The following SF3B3 variants were observed in gnomAD, a reference collection of about 807,000 sequenced individuals.
SF3B3 encodes SAP 130.
A neutral mutation model predicts 139.2 loss-of-function variants in SF3B3; 33 were observed. The ratio of observed to expected loss-of-function variants is 0.24; its 90% CI spans 0.18 to 0.32. SF3B3 has a LOEUF of 0.32. Ranked by LOEUF, SF3B3 falls within the 10% of genes least tolerant of loss-of-function variation. The pLI, the probability that SF3B3 is intolerant of heterozygous loss-of-function variation, is 1.00. For synonymous variants in SF3B3, 596 were observed against 563.6 expected (o/e 1.06, Z -0.81); for missense variants, 818 against 1,509.4 (o/e 0.54, Z 7.59).
chr16:70,558,333 C>G (rs2050397623), intron 15 of SF3B3, among the ~76,000 whole-genome samples: 1 of 150,502 alleles, frequency 6.6e-6, no homozygotes, highest in Non-Finnish European at 1.5e-5. Context: ...TCAGACTGGT[C>G]TTGAACTCCT....
intron 5 of SF3B3, among the ~76,000 whole-genome samples, chr16:70,533,341 TA>T (rs933144077): frequency 2.7e-5 from 4 of 147,380 alleles, no homozygotes; most frequent in Admixed American, 6.8e-5. Flanking sequence ...AAGTAAATAT[TA>T]AAAAAAAAAG....
chr16:70,570,680 G>A (rs2050520995), intron 24 of SF3B3, among the ~76,000 whole-genome samples: 1 of 152,218 alleles, frequency 6.6e-6, no homozygotes, highest in Non-Finnish European at 1.5e-5. Context: ...TCTGATGCGA[G>A]TTTACAAGGT....
At chr16:70,564,995 A>T in intron 18 of SF3B3, 70 bp from the exon 19 acceptor site, 2 of 1,441,664 alleles carry the variant, frequency 1.4e-6, no homozygotes, top group Non-Finnish European at 2.0e-6. Flanking sequence ...TGTTCTTGCT[A>T]CCTATCCTCT....
In SF3B3 at chr16:70,560,599, A is replaced by T. The variant is rs747700392; in HGVS notation, c.2133+8A>T. The T allele has an allele frequency of 6.2e-7, 1 of 1,612,894 alleles. No homozygotes were observed. The highest frequency in any genetic ancestry group is 1.7e-5 in the Admixed American group (1 of 59,964). ...ATGCAAGGCCAGGAGGCAGTAAGTA[A>T]TGAAGGTTGGGGACAGGCAACATCT... On this transcript the variant is annotated splice_region_variant and intron_variant, in intron 16 of 25. Transcript: ENST00000302516.
At chr16:70,532,694 T>G in intron 5 of SF3B3, 74 bp downstream of exon 5, 1 of 1,456,610 alleles carries the variant, frequency 6.9e-7, no homozygotes, top group Non-Finnish European at 9.5e-7. Context: ...AGGTTTTACT[T>G]AAAGGGTTTG....
intron 24 of SF3B3, 134 bp from the exon 25 acceptor site, chr16:70,570,961 A>G: frequency 1.4e-6 from 1 of 709,598 alleles, no homozygotes; most frequent in Non-Finnish European, 2.5e-6. Flanking sequence ...ACCTGTGATT[A>G]TCAGAAAGTG....
At chr16:70,568,583 C>G (rs2050499321) in intron 22 of SF3B3, 88 bp downstream of exon 22, 2 of 1,028,252 alleles carry the variant, frequency 1.9e-6, no homozygotes, top group East Asian at 5.2e-5. Flanking sequence ...GGAATCAAAT[C>G]TGAGAAGTAA....
chr16:70,564,206 A>G (rs1295819575), intron 18 of SF3B3, among the ~76,000 whole-genome samples, 156 bp downstream of exon 18: 2 of 152,146 alleles, frequency 1.3e-5, no homozygotes, highest in Non-Finnish European at 2.9e-5. Context: ...CTGCACCTCT[A>G]TTAAAAATTT....
At chr16:70,524,095 A>G (rs1489926430) in intron 1 of SF3B3, 167 bp downstream of exon 1, 2 of 389,842 alleles carry the variant, frequency 5.1e-6, no homozygotes, top group Non-Finnish European at 9.0e-6. Context: ...GGCTTCCTGC[A>G]GTTATCTCTC....
chr16:70,539,852 C>T (rs2050202718), intron 8 of SF3B3, among the ~76,000 whole-genome samples: 1 of 150,700 alleles, frequency 6.6e-6, no homozygotes, highest in Admixed American at 6.6e-5. Flanking sequence ...TCTCGGCTCA[C>T]CGCAACCTCT....
At chr16:70,533,341 T>TAAAA (rs933144077) in intron 5 of SF3B3, among the ~76,000 whole-genome samples, 3 of 147,418 alleles carry the variant, frequency 2.0e-5, no homozygotes, top group Non-Finnish European at 4.5e-5. Flanking sequence ...AAGTAAATAT[T>TAAAA]AAAAAAAAAA....
Position 70,538,422 on chromosome 16 carries a change from G to A in SF3B3, c.925G>A (p.Asp309Asn). 1.2e-6 allele frequency: 2 copies of A among 1,613,910 alleles called. No homozygotes were observed. The highest frequency in any genetic ancestry group is 8.5e-7 in the Non-Finnish European group (1 of 1,179,794). Reference sequence around the variant, plus strand: ...CTTTTTGGCTCAAACTGAGCAGGGAGATATCTTTAAGATCACTTTGGAGAC... The same window carrying A: ...CTTTTTGGCTCAAACTGAGCAGGGAAATATCTTTAAGATCACTTTGGAGAC... The part of the protein sequence containing the change: ...FFFLAQTEQG[D>N]IFKITLETDE... Residue 309 changes from aspartate (D) to asparagine (N), a missense_variant, in exon 7 of 26, where the codon GAT becomes AAT. Asp to Asn is a conservative substitution (Grantham distance 23, BLOSUM62 1). Transcript: ENST00000302516.
chr16:70,555,012 A>T (rs2050366211), intron 12 of SF3B3, 39 bp from the exon 13 acceptor site: 1 of 1,599,232 alleles, frequency 6.3e-7, no homozygotes, highest in African/African-American at 1.3e-5. Context: ...TGATGAATCA[A>T]ATTGTTAAAG....
At position 70,576,432 on chromosome 16, in the gene SF3B3, C is replaced by G. The variant is rs144679445; in HGVS notation, c.*4619C>G. On this transcript the variant is annotated 3_prime_UTR_variant, in exon 26 of 26. Coordinates refer to ENST00000302516, the MANE Select transcript of SF3B3 (RefSeq NM_012426.5). Reference sequence around the variant, plus strand: ...AAATTCCCAGGTCCACTCAGCAGAACTTGCTCCCTTCTCTGACTGCAGTCT... The same window carrying G: ...AAATTCCCAGGTCCACTCAGCAGAAGTTGCTCCCTTCTCTGACTGCAGTCT... 1 of 152,088 alleles carries G rather than the reference C, an allele frequency of 6.6e-6. No individual in the cohort carries two copies. The highest frequency in any genetic ancestry group is 1.5e-5 in the Non-Finnish European group (1 of 68,044). The allele number at this position is 152,088 out of a possible 1,614,324, so 9.4% of individuals were successfully genotyped here. A position where few individuals can be genotyped will look rare whatever the true frequency, so the allele number is the denominator to read the frequency against.
intron 13 of SF3B3, among the ~76,000 whole-genome samples, chr16:70,555,607 A>G (rs952585297): frequency 1.3e-5 from 2 of 152,012 alleles, no homozygotes; most frequent in African/African-American, 4.8e-5. Context: ...ATCCCCTCTT[A>G]GCAGTGAAAC....
chr16:70,571,391 A>G (rs372038311), intron 25 of SF3B3, among the ~76,000 whole-genome samples, 192 bp downstream of exon 25: 2 of 152,190 alleles, frequency 1.3e-5, no homozygotes, highest in African/African-American at 4.8e-5. Context: ...TCCTGGATCT[A>G]CAAGTGGGGT....
At chr16:70,537,918 A>G (rs1398663049) in intron 6 of SF3B3, 2 of 424,796 alleles carry the variant, frequency 4.7e-6, no homozygotes, top group African/African-American at 4.1e-5. Context: ...TAAAAGAAAA[A>G]AAATTCAAAG....
rs1210271686 is a variant in SF3B3 at position 70,572,655 on chromosome 16, C to G, written c.*842C>G. ...ACAGATGCCCCTTTTACTGATACAG[C>G]ACCTAAAGCGATCTTTGGCTCCATA... On this transcript the variant is annotated 3_prime_UTR_variant, in exon 26 of 26. Coordinates refer to ENST00000302516, the MANE Select transcript of SF3B3 (RefSeq NM_012426.5). 1 of 153,630 alleles carries G rather than the reference C, an allele frequency of 6.5e-6. No individual in the cohort carries two copies. Among genetic ancestry groups the G allele is most frequent in the African/African-American group, 2.4e-5 (1 of 41,414 alleles). 9.5% of individuals were successfully genotyped at this position (153,630 alleles called of 1,614,324 possible).
At position 70,573,553 on chromosome 16, in the gene SF3B3, G is replaced by C. The variant is rs558537123; in HGVS notation, c.*1740G>C. On this transcript the variant is annotated 3_prime_UTR_variant, in exon 26 of 26. Coordinates refer to ENST00000302516, the MANE Select transcript of SF3B3 (RefSeq NM_012426.5). ...CTGTTAAGAGGAAGGGCTAGGACAAGGATTTGGGCTTGAATATGTGGAAAG... is the reference window on the plus strand; with the variant it reads ...CTGTTAAGAGGAAGGGCTAGGACAACGATTTGGGCTTGAATATGTGGAAAG... The C allele has an allele frequency of 6.6e-6, 1 of 152,326 alleles. No individual in the cohort carries two copies. The highest frequency in any genetic ancestry group is 1.9e-4 in the East Asian group (1 of 5,180). 9.4% of individuals were successfully genotyped at this position (152,326 alleles called of 1,614,324 possible). A position where few individuals can be genotyped will look rare whatever the true frequency, so the allele number is the denominator to read the frequency against.
Sources: allele counts gnomAD v4.1 joint callset (sites outside exome capture counted in the v4.1 genomes callset), GRCh38; gene constraint gnomAD v4.1.1; transcripts MANE v1.5; gene names NCBI Gene and HGNC (gene_info 2026-07-23, HGNC 2026-07-21).